Variants in PARP4 observed in about 807,000 individuals in gnomAD.
The protein encoded by PARP4 is protein mono-ADP-ribosyltransferase PARP4.
Under a neutral mutation model 187.7 loss-of-function variants are expected in PARP4, and 120 were observed. The observed-to-expected ratio is 0.64, with a 90% CI of 0.55 to 0.74. The LOEUF (loss-of-function observed/expected upper bound fraction) is 0.74, where lower values mean the gene tolerates loss of function less well. Ranked by LOEUF, PARP4 falls within the 30% of genes least tolerant of loss-of-function variation. PARP4 has a pLI of 0.00. For synonymous variants in PARP4, 654 were observed against 740.9 expected (o/e 0.88, Z 1.90); for missense variants, 1,836 against 2,070.5 (o/e 0.89, Z 2.20).
chr13:24,470,690 T>C (rs1872692016), intron 15 of PARP4, among the ~76,000 whole-genome samples: 1 of 152,034 alleles, frequency 6.6e-6, no homozygotes, highest in African/African-American at 2.4e-5. Context: ...GTGACAATAA[T>C]AAGGCAAAAA....
At chr13:24,500,406 A>G (rs1341975259) in intron 3 of PARP4, 24 bp from the exon 4 acceptor site, 2 of 1,499,416 alleles carry the variant, frequency 1.3e-6, no homozygotes, top group East Asian at 2.3e-5. Flanking sequence ...CAAACAGCAC[A>G]CTTGTTTACT....
At chr13:24,428,631 G>A (rs1030536988) in intron 32 of PARP4, among the ~76,000 whole-genome samples, 2 of 152,096 alleles carry the variant, frequency 1.3e-5, no homozygotes, top group Admixed American at 6.5e-5. Context: ...ACAGGTACAC[G>A]CCACCATGCC....
At chr13:24,474,454 C>A (rs1872881309) in intron 15 of PARP4, among the ~76,000 whole-genome samples, 1 of 144,048 alleles carries the variant, frequency 6.9e-6, no homozygotes, top group Admixed American at 7.1e-5. Flanking sequence ...AGGTTCTGAC[C>A]CCTCCCCGGA....
intron 1 of PARP4, among the ~76,000 whole-genome samples, chr13:24,503,991 T>C (rs939566304): frequency 1.6e-4 from 24 of 152,202 alleles, no homozygotes; most frequent in African/African-American, 5.3e-4. Flanking sequence ...ATGGTTGATA[T>C]TACACCACCA....
intron 10 of PARP4, among the ~76,000 whole-genome samples, chr13:24,488,007 A>G (rs1220416356): frequency 6.6e-6 from 1 of 152,234 alleles, no homozygotes; most frequent in East Asian, 1.9e-4. Flanking sequence ...AAAAAGTAAT[A>G]TAAAGAAATC....
rs1336165141 is a variant in PARP4 at position 24,442,106 on chromosome 13, G to A, written c.3544-138C>T. 31 of 1,133,786 alleles carry A rather than the reference G, an allele frequency of 2.7e-5. 1 individual carries two copies. In the South Asian group the frequency reaches 3.6e-4, roughly 13 times the overall value. The allele number at this position is 1,133,786 out of a possible 1,614,324, so 70.2% of individuals were successfully genotyped here. On this transcript the variant is annotated intron_variant, in intron 29 of 33. Transcript: ENST00000381989. ...GGAGCTTGTGCCGTGGGCCACAAGC[G>A]TGAGGGGAAGTGGGGAGGTGGAGTG...
intron 5 of PARP4, 44 bp from the exon 6 acceptor site, chr13:24,498,273 TCAAA>T (rs1566019962): frequency 2.6e-6 from 3 of 1,134,990 alleles, no homozygotes; most frequent in South Asian, 2.5e-5. Context: ...TCGGGAAACA[TCAAA>T]CTACATGTGC....
chr13:24,477,599 G>C, intron 14 of PARP4, 102 bp downstream of exon 14: 2 of 733,290 alleles, frequency 2.7e-6, no homozygotes, highest in Admixed American at 5.4e-5. Context: ...TATGGATGAG[G>C]TCATAGATAT....
Position 24,501,803 on chromosome 13 carries a change from A to ACAT in PARP4, c.161_163dup (p.Asp54dup), listed in dbSNP as rs1315053452. Reference sequence around the variant, plus strand: ...AGAATTCAGTTGGTACTGACTCAGAACATCAGCATTATCTAAGATTATATG... The same window carrying ACAT: ...AGAATTCAGTTGGTACTGACTCAGAACATCATCAGCATTATCTAAGATTATATG... On this transcript the variant is annotated inframe_insertion, in exon 3 of 34. Transcript: ENST00000381989. 1 of 1,612,282 alleles carries ACAT rather than the reference A, an allele frequency of 6.2e-7. No individual in the cohort carries two copies. Among genetic ancestry groups the ACAT allele is most frequent in the African/African-American group, 1.3e-5 (1 of 75,004 alleles).
intron 32 of PARP4, among the ~76,000 whole-genome samples, chr13:24,428,108 C>T (rs549830523): frequency 1.3e-5 from 2 of 152,194 alleles, no homozygotes; most frequent in South Asian, 2.1e-4. Flanking sequence ...GACTCTACGT[C>T]GAAGAAGGAA....
At chr13:24,430,351 A>AT (rs1023156626) in intron 32 of PARP4, among the ~76,000 whole-genome samples, 1 of 152,050 alleles carries the variant, frequency 6.6e-6, no homozygotes, top group Admixed American at 6.5e-5. Flanking sequence ...TGTGTATTTT[A>AT]TTTAAAAAAA....
chr13:24,456,164 G>A (rs1031294425), intron 21 of PARP4, among the ~76,000 whole-genome samples, 177 bp downstream of exon 21: 2 of 152,150 alleles, frequency 1.3e-5, no homozygotes, highest in South Asian at 4.1e-4. Context: ...TGGATGAAAC[G>A]TCAGAAGTTT....
rs1434943074 is a variant in PARP4 at position 24,452,486 on chromosome 13, C to G, written c.2934G>C (p.Gly978=). Residue 978 remains glycine (G), a synonymous_variant, in exon 24 of 34, where the codon GGG becomes GGC. Coordinates refer to ENST00000381989, the MANE Select transcript of PARP4 (RefSeq NM_006437.4). ...GSRNILLVSD[G]HLQDESLTLQ... ...ATGTCAGGCTCTCATCCTGGAGGTG[C>G]CCATCAGACACCAGGAGGATGTTCC... 1 of 1,613,742 alleles carries G rather than the reference C, an allele frequency of 6.2e-7. No individual in the cohort carries two copies. Among genetic ancestry groups the G allele is most frequent in the Non-Finnish European group, 8.5e-7 (1 of 1,179,670 alleles).
chr13:24,456,976 C>T (rs7318176), intron 20 of PARP4, among the ~76,000 whole-genome samples: 17,963 of 151,932 alleles, frequency 0.12, 1,211 homozygotes, highest in African/African-American at 0.15. Flanking sequence ...ATGAGCATAT[C>T]AGTCACCCTT....
At chr13:24,468,596 G>T (rs1243769172) in intron 17 of PARP4, among the ~76,000 whole-genome samples, 2 of 152,018 alleles carry the variant, frequency 1.3e-5, no homozygotes, top group African/African-American at 2.4e-5. Flanking sequence ...GTAAGAGGGG[G>T]TTTCACCATG....
intron 15 of PARP4, among the ~76,000 whole-genome samples, chr13:24,473,362 G>A (rs1287191896): frequency 6.6e-6 from 1 of 152,138 alleles, no homozygotes; most frequent in Non-Finnish European, 1.5e-5. Context: ...CAATATACAT[G>A]TTTGTTACAA....
At chr13:24,460,755 C>CA (rs1431233782) in intron 17 of PARP4, among the ~76,000 whole-genome samples, 3 of 152,132 alleles carry the variant, frequency 2.0e-5, no homozygotes, top group African/African-American at 7.2e-5. Context: ...GTGGTGCAGT[C>CA]ACAGCTTAAT....
intron 27 of PARP4, among the ~76,000 whole-genome samples, chr13:24,446,354 G>A (rs183177219): frequency 6.8e-4 from 104 of 152,314 alleles, no homozygotes; most frequent in African/African-American, 2.4e-3. Context: ...TCCATATTGT[G>A]TAATGAAATT....
At chr13:24,498,276 A>G in intron 5 of PARP4, 47 bp from the exon 6 acceptor site, 1 of 1,109,020 alleles carries the variant, frequency 9.0e-7, no homozygotes, top group Non-Finnish European at 1.4e-6. Flanking sequence ...GGAAACATCA[A>G]ACTACATGTG....
Sources: gnomAD v4.1 joint callset for allele counts (sites outside exome capture counted in the v4.1 genomes callset) on GRCh38, gnomAD v4.1.1 for gene constraint, MANE v1.5 for transcripts, NCBI Gene and HGNC (gene_info 2026-07-23, HGNC 2026-07-21) for gene names.